PCDHGB4: variants seen among roughly 807,000 people sequenced by gnomAD.
The protein encoded by PCDHGB4 is protocadherin gamma-B4.
In PCDHGB4, 38 loss-of-function variants were observed where a neutral mutation model predicts 60.5. The observed-to-expected ratio is 0.63, with a 90% CI of 0.48 to 0.82. The LOEUF is 0.82. PCDHGB4 is among the 40% of genes least tolerant of loss of function. The pLI is 0.00. For missense variants in PCDHGB4, 1,109 were observed against 1,209.6 expected, an observed-to-expected ratio of 0.92 and a Z score of 1.23; for synonymous variants, 456 against 509.7, an observed-to-expected ratio of 0.89 and a Z score of 1.42.
At chr5:141,467,920 A>G (rs1244280087) in intron 1 of PCDHGB4, among the ~76,000 whole-genome samples, 1 of 152,124 alleles carries the variant, frequency 6.6e-6, no homozygotes, top group Non-Finnish European at 1.5e-5. Flanking sequence ...CAGCCTCCCA[A>G]AATGCTAGGA....
At chr5:141,422,865 C>A in intron 1 of PCDHGB4, 6 of 1,614,244 alleles carry the variant, frequency 3.7e-6, no homozygotes, top group Non-Finnish European at 5.1e-6. Flanking sequence ...TCAGCAGCAA[C>A]GTGTCGCTGA....
chr5:141,414,620 A>G, intron 1 of PCDHGB4: 4 of 1,613,938 alleles, frequency 2.5e-6, no homozygotes, highest in Non-Finnish European at 3.4e-6. Flanking sequence ...ACAGCGCTGG[A>G]CCCGGACAGC....
chr5:141,413,352 G>A (rs896091511), intron 1 of PCDHGB4: 1 of 1,613,976 alleles, frequency 6.2e-7, no homozygotes, highest in African/African-American at 1.3e-5. Flanking sequence ...TGGGTCTGGC[G>A]CCCCGGGAGC....
chr5:141,510,032 T>C (rs1410346284), intron 3 of PCDHGB4, among the ~76,000 whole-genome samples: 3 of 152,150 alleles, frequency 2.0e-5, no homozygotes, highest in Non-Finnish European at 4.4e-5. Flanking sequence ...GCTGGGCTGT[T>C]ATGTAGAGGT....
Position 141,388,598 on chromosome 5 carries a change from T to C in PCDHGB4, c.714T>C (p.Asn238=). The part of the protein sequence containing the change: ...IHVLVTDAND[N]APVFSQDVYR... Reference sequence around the variant, plus strand: ...TTCTAGTGACTGATGCCAATGATAATGCTCCAGTGTTCAGTCAAGACGTAT... The same window carrying C: ...TTCTAGTGACTGATGCCAATGATAACGCTCCAGTGTTCAGTCAAGACGTAT... Residue 238 remains asparagine (N), a synonymous_variant, in exon 1 of 4, where the codon AAT becomes AAC. Coordinates refer to ENST00000519479, the MANE Select transcript of PCDHGB4 (RefSeq NM_003736.4). 2 of 1,613,920 alleles carry C rather than the reference T, an allele frequency of 1.2e-6. No homozygotes were observed. The highest frequency in any genetic ancestry group is 1.7e-6 in the Non-Finnish European group (2 of 1,179,896).
Position 141,388,887 on chromosome 5 carries a change from G to C in PCDHGB4, c.1003G>C (p.Val335Leu). ...MIAQCTVEVE[V>L]IDENDNAPEV... ...TGCGCAATGCACAGTGGAGGTAGAA[G>C]TCATAGATGAAAATGACAACGCCCC... The change falls in exon 1 of 4, where the codon GTC becomes CTC. Residue 335 changes from valine to leucine, a missense_variant. Transcript: ENST00000519479. The C allele has an allele frequency of 6.2e-7, 1 of 1,613,988 alleles. No homozygotes were observed. The highest frequency in any genetic ancestry group is 8.5e-7 in the Non-Finnish European group (1 of 1,179,864).
chr5:141,451,428 G>T (rs552096051), intron 1 of PCDHGB4, among the ~76,000 whole-genome samples: 17 of 152,166 alleles, frequency 1.1e-4, no homozygotes, highest in Non-Finnish European at 2.1e-4. Context: ...TTAGACTAAG[G>T]GTTCCAGTTC....
rs750214310 is a variant in PCDHGB4 at position 141,432,447 on chromosome 5, T to C, written c.2397+42166T>C. 1 of 1,614,202 alleles carries C rather than the reference T, an allele frequency of 6.2e-7. No homozygotes were observed. Among genetic ancestry groups the C allele is most frequent in the South Asian group, 1.1e-5 (1 of 91,072 alleles). ...CAGAACGACAATGCGCCCGAGATCCTGTACCCCGCCCTCCCCACGGACGGT... is the reference window on the plus strand; with the variant it reads ...CAGAACGACAATGCGCCCGAGATCCCGTACCCCGCCCTCCCCACGGACGGT... On this transcript the variant is annotated intron_variant, in intron 1 of 3. Coordinates refer to ENST00000519479, the MANE Select transcript of PCDHGB4 (RefSeq NM_003736.4). This position sits in a 1 kb window ranked among gnomAD's most constrained non-coding sequence, Gnocchi z 6.0.
chr5:141,408,311 A>C (rs1467917610), intron 1 of PCDHGB4: 1 of 1,613,650 alleles, frequency 6.2e-7, no homozygotes, highest in African/African-American at 1.3e-5. Context: ...CCGCTACTCG[A>C]TTCCGGAGGA....
At chr5:141,441,984 A>G (rs1202392318) in intron 1 of PCDHGB4, 4 of 275,400 alleles carry the variant, frequency 1.5e-5, no homozygotes, top group South Asian at 7.2e-5. Flanking sequence ...TGGAATGCGC[A>G]CCGACGAGGT....
At position 141,413,788 on chromosome 5, in the gene PCDHGB4, G is replaced by A. The variant is rs2095678300; in HGVS notation, c.2397+23507G>A. The A allele has an allele frequency of 2.1e-5, 34 of 1,613,166 alleles. No individual in the cohort carries two copies. Among genetic ancestry groups the A allele is most frequent in the Non-Finnish European group, 2.8e-5 (33 of 1,179,876 alleles). ...GGAGCTGGTACTGGAGCACTCCCTA[G>A]ATCGCGAGGAAGAGGCCATTCACCA... is the stretch of plus-strand genomic sequence containing the variant. On this transcript the variant is annotated intron_variant, in intron 1 of 3. Coordinates refer to ENST00000519479, the MANE Select transcript of PCDHGB4 (RefSeq NM_003736.4).
At chr5:141,423,927 T>G (rs2096791636) in intron 1 of PCDHGB4, 4 of 1,240,434 alleles carry the variant, frequency 3.2e-6, no homozygotes, top group Non-Finnish European at 4.1e-6. Flanking sequence ...TATGCTGGTT[T>G]GGTTTGAAGT....
Position 141,432,846 on chromosome 5 carries a change from C to T in PCDHGB4, c.2397+42565C>T, listed in dbSNP as rs1312403897. ...GACCTCACTCTGTACCTGGTGGTAGCGGTGGCCGCGGTCTCCTGCGTCTTC... is the reference window on the plus strand; with the variant it reads ...GACCTCACTCTGTACCTGGTGGTAGTGGTGGCCGCGGTCTCCTGCGTCTTC... On this transcript the variant is annotated intron_variant, in intron 1 of 3. Transcript: ENST00000519479. The surrounding 1 kb of genome is among the most constrained non-coding windows in gnomAD (Gnocchi z 6.0). 2.5e-6 allele frequency: 4 copies of T among 1,614,192 alleles called. No homozygotes were observed. The African/African-American group carries it at 5.3e-5, about 22-fold the overall frequency.
At chr5:141,446,365 G>T (rs2098499873) in intron 1 of PCDHGB4, among the ~76,000 whole-genome samples, 1 of 152,194 alleles carries the variant, frequency 6.6e-6, no homozygotes, top group Non-Finnish European at 1.5e-5. Flanking sequence ...GATGAGAATG[G>T]AAGACTAAAG....
intron 1 of PCDHGB4, among the ~76,000 whole-genome samples, chr5:141,457,171 T>C (rs1337137368): frequency 3.3e-5 from 5 of 152,216 alleles, no homozygotes; most frequent in Non-Finnish European, 7.3e-5. Flanking sequence ...GATAACCCTA[T>C]TGCAAATAGT....
At chr5:141,424,668 A>G (rs1561816018) in intron 1 of PCDHGB4, 1 of 152,196 alleles carries the variant, frequency 6.6e-6, no homozygotes, top group Non-Finnish European at 1.5e-5. Flanking sequence ...AATTAAACTG[A>G]TTTAGCTAGT....
Position 141,409,934 on chromosome 5 carries a change from G to A in PCDHGB4, c.2397+19653G>A. The A allele has an allele frequency of 1.9e-6, 3 of 1,613,362 alleles. No individual in the cohort carries two copies. Among genetic ancestry groups the A allele is most frequent in the South Asian group, 2.2e-5 (2 of 91,074 alleles). On this transcript the variant is annotated intron_variant, in intron 1 of 3. Transcript: ENST00000519479. ...TGACGGCTCCGCGTTCTTCGATATG[G>A]TACCTCGCTCTGCAGAGCCCGGCTA...
intron 1 of PCDHGB4, among the ~76,000 whole-genome samples, chr5:141,401,078 T>A (rs2094109579): frequency 6.6e-6 from 1 of 152,226 alleles, no homozygotes; most frequent in South Asian, 2.1e-4. Flanking sequence ...GTGCAGTGGC[T>A]CATGCCTGTA....
intron 1 of PCDHGB4, chr5:141,422,952 C>A (rs759618535): frequency 6.2e-7 from 1 of 1,614,254 alleles, no homozygotes; most frequent in Non-Finnish European, 8.5e-7. Context: ...GCTCCACTGG[C>A]GTGGAGCTGG....
Sources: gnomAD v4.1 joint callset for allele counts (sites outside exome capture counted in the v4.1 genomes callset) on GRCh38, gnomAD v4.1.1 for gene constraint, Gnocchi (gnomAD v3.1) non-coding constraint, MANE v1.5 for transcripts, NCBI Gene and HGNC (gene_info 2026-07-23, HGNC 2026-07-21) for gene names.